The following CFAP70 variants were observed in gnomAD, a reference collection of about 807,000 sequenced individuals.
CFAP70 encodes cilia and flagella associated protein 70.
Under a neutral mutation model 137.6 loss-of-function variants are expected in CFAP70, and 81 were observed. The observed-to-expected ratio is 0.59, with a 90% CI of 0.49 to 0.71. The LOEUF is 0.71. Among genes scored for constraint, CFAP70 ranks in the 30% least tolerant of loss-of-function variants. The probability of loss-of-function intolerance (pLI) is 0.00; values close to 1 mark genes in which losing one functional copy is unlikely to be tolerated. For synonymous variants in CFAP70, 382 were observed against 423.6 expected, an observed-to-expected ratio of 0.90 and a Z score of 1.20; for missense variants, 976 against 1,226.7, an observed-to-expected ratio of 0.80 and a Z score of 3.05.
In CFAP70 at chr10:73,284,774, A is replaced by C. The variant is rs1239585020; in HGVS notation, c.2240-6437T>G. 2.8e-4 allele frequency among the ~76,000 whole-genome samples: 13 copies of C among 46,122 alleles called. 1 individual carries two copies. Among genetic ancestry groups the C allele is most frequent in the African/African-American group, 1.3e-3 (13 of 9,648 alleles). 30.3% of individuals were successfully genotyped at this position (46,122 alleles called of 152,430 possible). On this transcript the variant is annotated intron_variant, in intron 19 of 26. Transcript: ENST00000310715. ...TATATATATATATATATATATATAT[A>C]TATATATATATATATATATATATAT... is the stretch of plus-strand genomic sequence containing the variant.
chr10:73,258,357 A>T (rs1370392987), intron 25 of CFAP70, among the ~76,000 whole-genome samples: 1 of 152,208 alleles, frequency 6.6e-6, no homozygotes, highest in Non-Finnish European at 1.5e-5. Context: ...AATTGTGAAG[A>T]TTTCATGGAC....
At chr10:73,260,239 G>A (rs1268482815) in intron 25 of CFAP70, among the ~76,000 whole-genome samples, 5 of 151,928 alleles carry the variant, frequency 3.3e-5, no homozygotes, top group Non-Finnish European at 7.4e-5. Flanking sequence ...TGTAGTCCCA[G>A]CTACTCAGGA....
In CFAP70 at chr10:73,334,889, T is replaced by G. The variant is rs201000066; in HGVS notation, c.677+541A>C. ...CATTGCACCTGGCCGAGTTTTTTTT[T>G]TTTTTTTTTTAAGAGACAAGGTGTC... On this transcript the variant is annotated intron_variant, in intron 7 of 26. Coordinates refer to ENST00000310715, the Ensembl canonical transcript of CFAP70. Among the ~76,000 whole-genome samples, 8 of 150,842 alleles carry G rather than the reference T, an allele frequency of 5.3e-5. No individual in the cohort carries two copies. In the East Asian group the frequency reaches 1.6e-3, roughly 29 times the overall value.
At chr10:73,256,804 G>A (rs537895478) in intron 25 of CFAP70, among the ~76,000 whole-genome samples, 3 of 150,592 alleles carry the variant, frequency 2.0e-5, no homozygotes, top group South Asian at 4.2e-4. Context: ...TAGGGGAGCT[G>A]AGGCAGGAGA....
chr10:73,303,692 T>C (rs993016652), intron 12 of CFAP70, among the ~76,000 whole-genome samples: 5 of 152,234 alleles, frequency 3.3e-5, no homozygotes, highest in Non-Finnish European at 7.3e-5. Flanking sequence ...TAGAGTACTT[T>C]ATGTACTATA....
At chr10:73,253,909 G>T in exon 27 of CFAP70, 1 of 1,342,182 alleles carries the variant, frequency 7.5e-7, no homozygotes, top group Non-Finnish European at 1.0e-6. Context: ...GCTTCATACG[G>T]TAAAACTCTC....
At chr10:73,332,564 C>T (rs1473222364) in intron 7 of CFAP70, among the ~76,000 whole-genome samples, 3 of 152,146 alleles carry the variant, frequency 2.0e-5, no homozygotes, top group East Asian at 1.9e-4. Context: ...TTTACTGAGA[C>T]GTAATCACAG....
chr10:73,333,756 G>C (rs900001127), intron 7 of CFAP70, among the ~76,000 whole-genome samples: 1 of 152,138 alleles, frequency 6.6e-6, no homozygotes, highest in Non-Finnish European at 1.5e-5. Context: ...AATGCTAAAA[G>C]TTCTTTAGAG....
intron 5 of CFAP70, among the ~76,000 whole-genome samples, chr10:73,342,933 G>A (rs1306732514): frequency 2.7e-5 from 4 of 146,728 alleles, no homozygotes; most frequent in Non-Finnish European, 6.0e-5. Flanking sequence ...AAATTAAGCC[G>A]GGCGCAGTGG....
chr10:73,338,618 A>G (rs2052936466), intron 6 of CFAP70, among the ~76,000 whole-genome samples: 1 of 150,994 alleles, frequency 6.6e-6, no homozygotes, highest in South Asian at 2.1e-4. Flanking sequence ...TTTAGTAGAG[A>G]TGGGGTTTCA....
At chr10:73,348,543 A>G in intron 3 of CFAP70, 22 bp from the exon 4 acceptor site, 1 of 1,443,586 alleles carries the variant, frequency 6.9e-7, no homozygotes, top group Non-Finnish European at 9.3e-7. Context: ...AAAACAAAGA[A>G]AATGAGACAT....
At chr10:73,351,620 A>G (rs2132530862) in intron 3 of CFAP70, among the ~76,000 whole-genome samples, 1 of 152,092 alleles carries the variant, frequency 6.6e-6, no homozygotes, top group Middle Eastern at 3.4e-3. Context: ...TTTAGTAGAG[A>G]CGGGGTTTTG....
upstream of CFAP70, chr10:73,358,877 G>C (rs937724215): frequency 3.7e-4 from 56 of 152,418 alleles, no homozygotes; most frequent in African/African-American, 1.3e-3. Context: ...CTGCGCCCTA[G>C]CGCCGGCTGC....
chr10:73,331,328 A>C lies in CFAP70; in HGVS notation c.678-52T>G, dbSNP rs752518181. On this transcript the variant is annotated intron_variant, in intron 7 of 26. Transcript: ENST00000310715. ...CATTATATGCAAAAATAAAGTCAGT[A>C]TAATTTAGGTTAAAGGGAAATATTC... 11 of 1,435,508 alleles carry C rather than the reference A, an allele frequency of 7.7e-6. No homozygotes were observed. The African/African-American group carries it at 8.5e-5, about 11-fold the overall frequency. The allele number at this position is 1,435,508 out of a possible 1,614,324, so 88.9% of individuals were successfully genotyped here.
At chr10:73,299,806 T>G in intron 12 of CFAP70, 141 bp from the exon 14 acceptor site, 1 of 568,774 alleles carries the variant, frequency 1.8e-6, no homozygotes, top group Non-Finnish European at 3.0e-6. Flanking sequence ...AGCACTGTGC[T>G]GTTCTCTCAT....
chr10:73,270,474 T>C, intron 24 of CFAP70, among the ~76,000 whole-genome samples: 1 of 89,310 alleles, frequency 1.1e-5, no homozygotes. Flanking sequence ...TTCTTTTCTC[T>C]TTTCTTTTCC....
In CFAP70 at chr10:73,290,044, C is replaced by CAAA. The variant is rs397847750; in HGVS notation, c.2239+1179_2239+1181dup. On this transcript the variant is annotated intron_variant, in intron 19 of 26. Coordinates refer to ENST00000310715, the Ensembl canonical transcript of CFAP70. ...TGGGTGACAGAGCAAGACTCCATCTCAAAAAAAAAAAAAAAAGACTTGTAG... is the reference window on the plus strand; with the variant it reads ...TGGGTGACAGAGCAAGACTCCATCTCAAAAAAAAAAAAAAAAAAAGACTTGTAG... Among the ~76,000 whole-genome samples the CAAA allele has an allele frequency of 3.9e-3, 285 of 72,224 alleles. 4 individuals are homozygous for CAAA. The highest frequency in any genetic ancestry group is 0.012 in the African/African-American group (266 of 22,594). The allele number at this position is 72,224 out of a possible 152,430, so 47.4% of individuals were successfully genotyped here. A position where few individuals can be genotyped will look rare whatever the true frequency, so the allele number is the denominator to read the frequency against.
In CFAP70 at chr10:73,322,719, C is replaced by T. The variant is rs375045886; in HGVS notation, c.912+244G>A. ...TATTCCATCATACAGAGGTACCACA[C>T]AATTTGTTTTTCTGTGTTCTCTGTT... On this transcript the variant is annotated intron_variant, in intron 9 of 26. Transcript: ENST00000310715. 2.9e-4 allele frequency among the ~76,000 whole-genome samples: 44 copies of T among 152,190 alleles called. No individual in the cohort carries two copies. In the South Asian group the frequency reaches 8.7e-3, roughly 30 times the overall value.
chr10:73,292,824 C>T (rs2048272220), intron 16 of CFAP70, among the ~76,000 whole-genome samples: 2 of 151,912 alleles, frequency 1.3e-5, no homozygotes, highest in Non-Finnish European at 2.9e-5. Context: ...TTTAACTTTG[C>T]TCTATGGAGC....
Sources: allele counts gnomAD v4.1 joint callset (sites outside exome capture counted in the v4.1 genomes callset), GRCh38; gene constraint gnomAD v4.1.1; transcripts MANE v1.5; gene names NCBI Gene and HGNC (gene_info 2026-07-23, HGNC 2026-07-21).